The following LRP1B variants were observed in gnomAD, a reference collection of about 807,000 sequenced individuals.
LRP1B encodes LDL receptor related protein 1B.
In LRP1B, 217 loss-of-function variants were observed where a neutral mutation model predicts 556.6. That is an observed-to-expected ratio of 0.39 (90% CI 0.35 to 0.44). The LOEUF (loss-of-function observed/expected upper bound fraction) is 0.44, where lower values mean the gene tolerates loss of function less well. Among genes scored for constraint, LRP1B ranks in the 20% least tolerant of loss-of-function variants. The pLI is 1.00. For synonymous variants in LRP1B, 2,047 were observed against 1,865.8 expected, an observed-to-expected ratio of 1.10 and a Z score of -2.50; for missense variants, 5,053 against 5,620.8, an observed-to-expected ratio of 0.90 and a Z score of 3.23.
rs1041357113 is a variant in LRP1B, at chr2:141,047,520, T to C, written c.1789+1466A>G. 7.2e-5 allele frequency among the ~76,000 whole-genome samples: 11 copies of C among 152,108 alleles called. No individual in the cohort carries two copies. In the East Asian group the frequency reaches 2.1e-3, roughly 29 times the overall value. On this transcript the variant is annotated intron_variant, in intron 11 of 90. Transcript: ENST00000389484. ...TCTCTGCTTTTATTTTCTCATCTTT[T>C]CTCATCTCAATAAAGTTCTGATTCA...
intron 3 of LRP1B, among the ~76,000 whole-genome samples, chr2:141,380,409 T>C (rs1223149149): frequency 6.6e-6 from 1 of 152,198 alleles, no homozygotes. Flanking sequence ...CACTTGCCAC[T>C]GCTCACTCTA....
intron 1 of LRP1B, among the ~76,000 whole-genome samples, chr2:141,818,237 A>G (rs1239513911): frequency 6.6e-6 from 1 of 152,220 alleles, no homozygotes; most frequent in Non-Finnish European, 1.5e-5. Context: ...AGAAAGTATT[A>G]CAAATGCAAC....
rs538863283 is a variant in LRP1B at position 141,322,220 on chromosome 2, T to C, written c.344-67579A>G. Among the ~76,000 whole-genome samples the C allele has an allele frequency of 2.0e-5, 3 of 152,214 alleles. No individual in the cohort carries two copies. In the South Asian group the frequency reaches 6.2e-4, roughly 32 times the overall value. On this transcript the variant is annotated intron_variant, in intron 3 of 90. Coordinates refer to ENST00000389484, the MANE Select transcript of LRP1B (RefSeq NM_018557.3). ...AATCCATGACAAGAGAGGACAGACG[T>C]ACTCCTCTTTAAGCAAGACAATGGG... is the stretch of plus-strand genomic sequence containing the variant.
At chr2:142,088,997 GAA>G (rs1285131830) in intron 1 of LRP1B, among the ~76,000 whole-genome samples, 1 of 22,902 alleles carries the variant, frequency 4.4e-5, no homozygotes, top group African/African-American at 1.2e-4. Flanking sequence ...AAAAAAAAAA[GAA>G]AAAGAAAAAG....
chr2:141,997,195 CT>C (rs34124530), intron 1 of LRP1B, among the ~76,000 whole-genome samples: 130,260 of 151,882 alleles, frequency 0.86, 55,960 homozygotes, highest in East Asian at 0.95. Context: ...AGATTTTGCA[CT>C]TTTTTCACCA....
intron 3 of LRP1B, among the ~76,000 whole-genome samples, chr2:141,402,696 T>C (rs948848553): frequency 1.3e-5 from 2 of 152,112 alleles, no homozygotes; most frequent in African/African-American, 4.8e-5. Flanking sequence ...CTATGTAACA[T>C]TGTAAAAGTG....
chr2:141,859,290 G>A (rs1698165605), intron 1 of LRP1B, among the ~76,000 whole-genome samples: 1 of 152,106 alleles, frequency 6.6e-6, no homozygotes, highest in South Asian at 2.1e-4. Flanking sequence ...ATAGGAAATA[G>A]TAACGTCAGC....
intron 2 of LRP1B, among the ~76,000 whole-genome samples, chr2:141,656,088 T>C (rs537781455): frequency 8.5e-5 from 13 of 152,244 alleles, no homozygotes; most frequent in African/African-American, 3.1e-4. Flanking sequence ...AAAGTGGTTA[T>C]GTGACTTGCT....
chr2:140,682,233 T>G (rs1389393030), intron 41 of LRP1B, among the ~76,000 whole-genome samples: 1 of 152,190 alleles, frequency 6.6e-6, no homozygotes, highest in Non-Finnish European at 1.5e-5. Flanking sequence ...GGAGGAGACT[T>G]CACTTTACTA....
chr2:141,975,595 C>T (rs1390366981), intron 1 of LRP1B, among the ~76,000 whole-genome samples: 1 of 152,076 alleles, frequency 6.6e-6, no homozygotes, highest in Non-Finnish European at 1.5e-5. Flanking sequence ...AATGTGTTAA[C>T]ATAGTTAGTT....
intron 14 of LRP1B, among the ~76,000 whole-genome samples, chr2:141,007,169 C>A (rs567145454): frequency 1.3e-5 from 2 of 151,606 alleles, no homozygotes; most frequent in Non-Finnish European, 2.9e-5. Context: ...ATACCAGAAA[C>A]GTGATTAAAG....
Position 140,433,520 on chromosome 2 carries a change from C to T in LRP1B, c.10414+8984G>A, listed in dbSNP as rs908668459. ...TGAGCCTGCCGCTCAGCATTTAATA[C>T]GAATTGTTAGCACACCACTTCTAAA... On this transcript the variant is annotated intron_variant, in intron 66 of 90. Coordinates refer to ENST00000389484, the MANE Select transcript of LRP1B (RefSeq NM_018557.3). Among the ~76,000 whole-genome samples, 5 of 152,154 alleles carry T rather than the reference C, an allele frequency of 3.3e-5. No homozygotes were observed. The East Asian group carries it at 7.7e-4, about 23-fold the overall frequency.
chr2:140,526,205 A>G (rs1195532597), intron 48 of LRP1B, 32 bp downstream of exon 48: 1 of 1,591,656 alleles, frequency 6.3e-7, no homozygotes, highest in Non-Finnish European at 8.6e-7. Flanking sequence ...GTGCCCAAGC[A>G]TAAACAGACA....
chr2:141,638,860 C>CAT (rs144725766), intron 2 of LRP1B, among the ~76,000 whole-genome samples: 581 of 53,306 alleles, frequency 0.011, 33 homozygotes, highest in African/African-American at 0.028. Flanking sequence ...GTAAGGTAGC[C>CAT]ATATATATAT....
intron 2 of LRP1B, among the ~76,000 whole-genome samples, chr2:141,658,680 T>G (rs1690103709): frequency 1.3e-5 from 2 of 152,216 alleles, no homozygotes. Flanking sequence ...TATGCAGCAA[T>G]GCATAAATAA....
chr2:141,414,653 G>A (rs1422312908), intron 3 of LRP1B, among the ~76,000 whole-genome samples: 1 of 152,224 alleles, frequency 6.6e-6, no homozygotes, highest in Non-Finnish European at 1.5e-5. Context: ...TGAAAAGAAG[G>A]AAAACAATTG....
chr2:141,507,666 AGATTGT>A (rs1322177209), intron 2 of LRP1B, among the ~76,000 whole-genome samples: 1 of 152,160 alleles, frequency 6.6e-6, no homozygotes, highest in African/African-American at 2.4e-5. Context: ...AAATATATTT[AGATTGT>A]ATTATTTTGA....
chr2:141,188,703 T>A, intron 6 of LRP1B, 120 bp from the exon 7 acceptor site: 1 of 819,662 alleles, frequency 1.2e-6, no homozygotes, highest in Non-Finnish European at 1.9e-6. Flanking sequence ...GACATTTTTA[T>A]GAAAAGAAAC....
chr2:140,984,420 T>C (rs10171576), intron 17 of LRP1B, among the ~76,000 whole-genome samples: 78,597 of 151,792 alleles, frequency 0.52, 22,896 homozygotes, highest in Non-Finnish European at 0.65. Flanking sequence ...ATCACATATT[T>C]CTATCTAAAA....
Sources: allele counts gnomAD v4.1 joint callset (sites outside exome capture counted in the v4.1 genomes callset), GRCh38; gene constraint gnomAD v4.1.1; transcripts MANE v1.5; gene names NCBI Gene and HGNC (gene_info 2026-07-23, HGNC 2026-07-21).